The following AASS variants were observed in gnomAD, a reference collection of about 807,000 sequenced individuals.
AASS encodes alpha-aminoadipic semialdehyde synthase, mitochondrial.
Under a neutral mutation model 105.4 loss-of-function variants are expected in AASS, and 86 were observed. The ratio of observed to expected loss-of-function variants is 0.82; its 90% CI spans 0.69 to 0.98. AASS has a LOEUF of 0.98. AASS is among the 50% of genes least tolerant of loss of function. The pLI, the probability that AASS is intolerant of heterozygous loss-of-function variation, is 0.00. For missense variants in AASS, 1,048 were observed against 1,143.2 expected (o/e 0.92, Z 1.20); for synonymous variants, 381 against 394.8 (o/e 0.96, Z 0.41).
intron 19 of AASS, 127 bp from the exon 20 acceptor site, chr7:122,081,722 G>C: frequency 1.5e-6 from 1 of 683,964 alleles, no homozygotes; most frequent in Non-Finnish European, 2.5e-6. Context: ...GATGATATGA[G>C]TACTACAGCT....
At chr7:122,086,248 T>C (rs1364240204) in intron 18 of AASS, 69 bp from the exon 19 acceptor site, 1 of 1,470,354 alleles carries the variant, frequency 6.8e-7, no homozygotes, top group Non-Finnish European at 9.4e-7. Flanking sequence ...ATCTGCATTA[T>C]ACGAACAAAG....
At chr7:122,101,209 A>G (rs1794414520) in intron 13 of AASS, among the ~76,000 whole-genome samples, 162 bp downstream of exon 13, 1 of 151,924 alleles carries the variant, frequency 6.6e-6, no homozygotes, top group South Asian at 2.1e-4. Flanking sequence ...CAGTGGTTTC[A>G]GCCAGCCACT....
chr7:122,082,929 A>T, intron 19 of AASS: 1 of 1,165,992 alleles, frequency 8.6e-7, no homozygotes, highest in Non-Finnish European at 1.1e-6. Flanking sequence ...TAGATTCTGA[A>T]TAATAGATGA....
rs558646825 is a variant in AASS, at chr7:122,125,228, T to C, written c.472+1147A>G. Among the ~76,000 whole-genome samples the C allele has an allele frequency of 2.6e-5, 4 of 152,254 alleles. No homozygotes were observed. The East Asian group carries it at 7.7e-4, about 29-fold the overall frequency. On this transcript the variant is annotated intron_variant, in intron 4 of 23. Transcript: ENST00000417368. ...AGCCACCATACCCTGCCTGAATTGG[T>C]TTTAAGTAAAAGAATTTTTTGAATT...
At chr7:122,137,978 T>G (rs781271504) in intron 1 of AASS, among the ~76,000 whole-genome samples, 1 of 151,684 alleles carries the variant, frequency 6.6e-6, no homozygotes, top group African/African-American at 2.4e-5. Flanking sequence ...AAAAAAGAGC[T>G]AGAAAGAACA....
intron 11 of AASS, among the ~76,000 whole-genome samples, chr7:122,108,131 A>G (rs1386422899): frequency 6.6e-6 from 1 of 152,022 alleles, no homozygotes; most frequent in Non-Finnish European, 1.5e-5. Context: ...AAAAATAAAC[A>G]ATCTGAATAG....
intron 9 of AASS, among the ~76,000 whole-genome samples, chr7:122,114,836 G>T (rs1273350609): frequency 1.3e-5 from 2 of 151,864 alleles, no homozygotes; most frequent in Non-Finnish European, 2.9e-5. Context: ...GGGGTCCAGA[G>T]ATTTAGACCA....
intron 7 of AASS, 24 bp from the exon 8 acceptor site, chr7:122,116,784 T>G: frequency 6.2e-7 from 1 of 1,613,844 alleles, no homozygotes; most frequent in Non-Finnish European, 8.5e-7. Flanking sequence ...AAGAAATTAG[T>G]AAAGTGGGTG....
chr7:122,084,702 C>T (rs1009683403), intron 19 of AASS, among the ~76,000 whole-genome samples: 9 of 151,966 alleles, frequency 5.9e-5, no homozygotes, highest in Admixed American at 1.3e-4. Flanking sequence ...GCAAAAGGAA[C>T]AGCCAGCAAA....
intron 2 of AASS, among the ~76,000 whole-genome samples, chr7:122,129,894 T>C (rs1446515547): frequency 6.6e-6 from 1 of 152,128 alleles, no homozygotes; most frequent in East Asian, 1.9e-4. Context: ...AATTGTGATT[T>C]ATTAGTTGTA....
intron 4 of AASS, among the ~76,000 whole-genome samples, chr7:122,125,539 T>C (rs1041347248): frequency 2.0e-5 from 3 of 152,206 alleles, no homozygotes; most frequent in South Asian, 2.1e-4. Flanking sequence ...CCGGTTTCCA[T>C]TGGCTGGAAC....
intron 4 of AASS, 58 bp downstream of exon 4, chr7:122,126,317 C>T: frequency 6.8e-7 from 1 of 1,478,158 alleles, no homozygotes; most frequent in South Asian, 1.1e-5. Context: ...AGAGAAAACT[C>T]ACAGTTATTC....
chr7:122,124,328 G>C (rs976988637), intron 4 of AASS, among the ~76,000 whole-genome samples: 36 of 152,146 alleles, frequency 2.4e-4, no homozygotes, highest in African/African-American at 8.7e-4. Flanking sequence ...TGTCTCCCAG[G>C]CTGGAGTGCA....
At chr7:122,121,577 T>A (rs903016496) in intron 4 of AASS, among the ~76,000 whole-genome samples, 2 of 152,046 alleles carry the variant, frequency 1.3e-5, no homozygotes, top group African/African-American at 4.8e-5. Context: ...CATTTTTTTG[T>A]AGAGATGGGA....
chr7:122,096,717 G>A (rs1482282367), intron 15 of AASS, among the ~76,000 whole-genome samples: 1 of 152,048 alleles, frequency 6.6e-6, no homozygotes, highest in Non-Finnish European at 1.5e-5. Context: ...CACCAAATGA[G>A]AAAACATTAA....
chr7:122,099,118 C>T (rs1006931576), intron 13 of AASS, among the ~76,000 whole-genome samples: 9 of 151,826 alleles, frequency 5.9e-5, no homozygotes, highest in Admixed American at 2.6e-4. Context: ...TATCTACAGA[C>T]GTATAGATGT....
At position 122,079,580 on chromosome 7, in the gene AASS, G is replaced by A; in HGVS notation, c.2396+17C>T. On this transcript the variant is annotated intron_variant, in intron 21 of 23. Transcript: ENST00000417368. Reference sequence around the variant, plus strand: ...GATCCAGTATATTTTGCTCTAAGTTGAGTGGTGGGTGCCTACCATTCAGCA... The same window carrying A: ...GATCCAGTATATTTTGCTCTAAGTTAAGTGGTGGGTGCCTACCATTCAGCA... 1 of 1,553,186 alleles carries A rather than the reference G, an allele frequency of 6.4e-7. No individual in the cohort carries two copies. The highest frequency in any genetic ancestry group is 8.9e-7 in the Non-Finnish European group (1 of 1,124,730).
chr7:122,130,807 T>C (rs1279016968), intron 2 of AASS, among the ~76,000 whole-genome samples: 6 of 152,114 alleles, frequency 3.9e-5, no homozygotes, highest in Non-Finnish European at 7.4e-5. Context: ...TTCTCATTTG[T>C]AGTAGATTGG....
chr7:122,098,508 T>C lies in AASS; in HGVS notation c.1597A>G (p.Ile533Val). The C allele has an allele frequency of 6.2e-7, 1 of 1,611,972 alleles. No homozygotes were observed. The highest frequency in any genetic ancestry group is 8.5e-7 in the Non-Finnish European group (1 of 1,178,570). Residue 533 changes from isoleucine (I) to valine (V), a missense_variant, in exon 15 of 24, where the codon ATT (isoleucine) becomes GTT (valine). By Grantham distance (29) the Ile-to-Val change is conservative. Transcript: ENST00000417368. Reference sequence around the variant, plus strand: ...CCCAGCTTCTCTTCTTGTTTACAAATGTCCATGCTAACAGGATTAATATTA... The same window carrying C: ...CCCAGCTTCTCTTCTTGTTTACAAACGTCCATGCTAACAGGATTAATATTA... The part of the protein sequence containing the change: ...KYNINPVSMD[I>V]CKQEEKLGFL...
Sources: allele counts gnomAD v4.1 joint callset (sites outside exome capture counted in the v4.1 genomes callset), GRCh38; gene constraint gnomAD v4.1.1; transcripts MANE v1.5; gene names NCBI Gene and HGNC (gene_info 2026-07-23, HGNC 2026-07-21).